LINGO2: variants seen among roughly 807,000 people sequenced by gnomAD.
LINGO2 encodes leucine-rich repeat and immunoglobulin-like domain-containing nogo receptor-interacting protein 2.
Under a neutral mutation model 30.6 loss-of-function variants are expected in LINGO2, and 14 were observed. The observed-to-expected ratio is 0.46, with a 90% CI of 0.30 to 0.72. The LOEUF is 0.72. Ranked by LOEUF, LINGO2 falls within the 30% of genes least tolerant of loss-of-function variation. The pLI, the probability that LINGO2 is intolerant of heterozygous loss-of-function variation, is 0.07. For missense variants in LINGO2, 729 were observed against 751.7 expected, an observed-to-expected ratio of 0.97 and a Z score of 0.35; for synonymous variants, 317 against 288.5, an observed-to-expected ratio of 1.10 and a Z score of -1.00.
chr9:28,862,089 A>G, the LINGO2 span, among the ~76,000 whole-genome samples: 2 of 152,130 alleles, frequency 1.3e-5, no homozygotes, highest in Admixed American at 1.3e-4. Flanking sequence ...CATAAAACAG[A>G]AAAATCAAAG....
At chr9:28,742,912 AT>A in the LINGO2 span, among the ~76,000 whole-genome samples, 63 of 152,102 alleles carry the variant, frequency 4.1e-4, no homozygotes, top group South Asian at 0.013. Context: ...ATTAAATAAT[AT>A]ATTTTATGCA....
the LINGO2 span, among the ~76,000 whole-genome samples, chr9:28,894,937 T>G: frequency 1.3e-5 from 2 of 152,110 alleles, no homozygotes; most frequent in Non-Finnish European, 2.9e-5. Context: ...AGCTATACAA[T>G]AGATGTAAAC....
chr9:28,557,805 A>G (rs1159034198), intron 1 of LINGO2, among the ~76,000 whole-genome samples: 1 of 151,870 alleles, frequency 6.6e-6, no homozygotes, highest in Non-Finnish European at 1.5e-5. Context: ...ACCATGGAAT[A>G]CTATGCAGCC....
chr9:29,056,454 G>A, the LINGO2 span, among the ~76,000 whole-genome samples: 4 of 151,894 alleles, frequency 2.6e-5, no homozygotes, highest in African/African-American at 9.6e-5. Context: ...TTTTTTTCTT[G>A]CTGATTTGTT....
intron 3 of LINGO2, among the ~76,000 whole-genome samples, chr9:28,368,146 T>C (rs1015164428): frequency 6.6e-6 from 1 of 152,202 alleles, no homozygotes; most frequent in African/African-American, 2.4e-5. Context: ...AGCCTTTCCA[T>C]TGTTTTCTAT....
At chr9:28,031,075 G>T (rs375659895) in intron 4 of LINGO2, among the ~76,000 whole-genome samples, 2 of 152,088 alleles carry the variant, frequency 1.3e-5, no homozygotes, top group Non-Finnish European at 2.9e-5. Flanking sequence ...TAATGGAGTC[G>T]ATTAATGAGG....
intron 4 of LINGO2, among the ~76,000 whole-genome samples, chr9:28,065,173 G>T (rs1825274554): frequency 6.7e-6 from 1 of 150,364 alleles, no homozygotes. Flanking sequence ...CAAACTGTTG[G>T]TTTTTCTGAT....
chr9:28,099,592 T>C (rs1826350375), intron 4 of LINGO2, among the ~76,000 whole-genome samples: 1 of 152,222 alleles, frequency 6.6e-6, no homozygotes, highest in Non-Finnish European at 1.5e-5. Context: ...CTGTATCTAC[T>C]TGGACTATCA....
intron 1 of LINGO2, among the ~76,000 whole-genome samples, chr9:28,663,770 T>C (rs1015172708): frequency 6.6e-6 from 1 of 152,184 alleles, no homozygotes; most frequent in Non-Finnish European, 1.5e-5. Context: ...TCACTTCCCC[T>C]GTCTGCCGTA....
chr9:28,121,895 A>G (rs75682972), intron 4 of LINGO2, among the ~76,000 whole-genome samples: 5,793 of 152,320 alleles, frequency 0.038, 181 homozygotes, highest in Admixed American at 0.082. Flanking sequence ...AAAAATAAAT[A>G]TCTTGCAAAA....
intron 1 of LINGO2, among the ~76,000 whole-genome samples, chr9:28,651,475 A>G (rs1424950548): frequency 6.6e-6 from 1 of 152,050 alleles, no homozygotes; most frequent in Non-Finnish European, 1.5e-5. Flanking sequence ...ACTGCTCCCC[A>G]ATGCAAGAAC....
chr9:28,940,319 GC>G, the LINGO2 span, among the ~76,000 whole-genome samples: 1 of 152,092 alleles, frequency 6.6e-6, no homozygotes, highest in African/African-American at 2.4e-5. Flanking sequence ...GCCTACTTGT[GC>G]TCCTTATATC....
chr9:28,719,618 G>A, the LINGO2 span, among the ~76,000 whole-genome samples: 2 of 151,900 alleles, frequency 1.3e-5, no homozygotes, highest in South Asian at 4.1e-4. Context: ...CTCTTTTTAT[G>A]TTTTCCCCCT....
At chr9:28,067,473 G>A (rs1825347875) in intron 4 of LINGO2, among the ~76,000 whole-genome samples, 1 of 152,152 alleles carries the variant, frequency 6.6e-6, no homozygotes, top group Admixed American at 6.6e-5. Flanking sequence ...TTTAATGGAA[G>A]AGTTCCATAT....
At chr9:29,013,686 A>T in the LINGO2 span, among the ~76,000 whole-genome samples, 3 of 152,162 alleles carry the variant, frequency 2.0e-5, no homozygotes, top group Non-Finnish European at 4.4e-5. Flanking sequence ...GATTCAATTA[A>T]CATATTTATT....
rs538360396 is a variant in LINGO2, at chr9:28,306,821, A to C, written c.-245-11455T>G. Among the ~76,000 whole-genome samples, 3 of 152,356 alleles carry C rather than the reference A, an allele frequency of 2.0e-5. No individual in the cohort carries two copies. In the East Asian group the frequency reaches 5.8e-4, roughly 29 times the overall value. On this transcript the variant is annotated intron_variant, in intron 3 of 5. Transcript: ENST00000379992. ...AACACCTCTACGCAAATAAACTAGA[A>C]AATGTAGAAGAAATGGATAAATTCC...
In LINGO2 at chr9:28,521,925, G is replaced by C. The variant is rs1028626334; in HGVS notation, c.-364-45900C>G. ...CACAAGCCAAGGAAAGCCAAGGATT[G>C]TCAATAGCCACCACAAGCTAGAAGA... On this transcript the variant is annotated intron_variant, in intron 1 of 5. Coordinates refer to ENST00000379992, the Ensembl canonical transcript of LINGO2. Among the ~76,000 whole-genome samples the C allele has an allele frequency of 5.4e-4, 83 of 152,298 alleles. 1 individual carries two copies. Among genetic ancestry groups the C allele is most frequent in the African/African-American group, 1.9e-3 (80 of 41,584 alleles).
the LINGO2 span, among the ~76,000 whole-genome samples, chr9:28,794,275 G>A: frequency 0.058 from 8,784 of 152,266 alleles, 341 homozygotes; most frequent in East Asian, 0.1. Flanking sequence ...CTGCACTCCA[G>A]CCTGGGCGAC....
intron 2 of LINGO2, among the ~76,000 whole-genome samples, chr9:28,411,812 A>G (rs1351629872): frequency 6.6e-6 from 1 of 152,078 alleles, no homozygotes; most frequent in East Asian, 1.9e-4. Flanking sequence ...TAACTGGTAA[A>G]TCTATCTTTA....
Sources: gnomAD v4.1 joint callset for allele counts (sites outside exome capture counted in the v4.1 genomes callset) on GRCh38, gnomAD v4.1.1 for gene constraint, MANE v1.5 for transcripts, NCBI Gene and HGNC (gene_info 2026-07-23, HGNC 2026-07-21) for gene names.